The following NR3C2 variants were observed in gnomAD, a reference collection of about 807,000 sequenced individuals.
NR3C2 encodes the protein mineralocorticoid receptor.
In NR3C2, 15 loss-of-function variants were observed where a neutral mutation model predicts 86.4. The observed-to-expected ratio is 0.17, with a 90% confidence interval of 0.12 to 0.27. The LOEUF is 0.27. Ranked by LOEUF, NR3C2 falls within the 10% of genes least tolerant of loss-of-function variation. The probability of loss-of-function intolerance (pLI) is 1.00; values close to 1 mark genes in which losing one functional copy is unlikely to be tolerated. For missense variants in NR3C2, 960 were observed against 1,195.6 expected (o/e 0.80, Z 2.91); for synonymous variants, 458 against 450.5 (o/e 1.02, Z -0.21).
chr4:148,295,746 C>G (rs999395695), intron 2 of NR3C2, among the ~76,000 whole-genome samples: 5 of 151,678 alleles, frequency 3.3e-5, no homozygotes, highest in African/African-American at 1.2e-4. Flanking sequence ...GGGAATTAAT[C>G]CATGTAGACT....
At chr4:148,172,597 T>C (rs1356445344) in intron 4 of NR3C2, among the ~76,000 whole-genome samples, 1 of 152,202 alleles carries the variant, frequency 6.6e-6, no homozygotes, top group East Asian at 1.9e-4. Flanking sequence ...TTAATAACTG[T>C]AGAGCCAAAC....
intron 8 of NR3C2, among the ~76,000 whole-genome samples, chr4:148,113,302 A>C (rs1732126388): frequency 6.6e-6 from 1 of 152,186 alleles, no homozygotes; most frequent in Admixed American, 6.5e-5. Flanking sequence ...AACCACTAAT[A>C]ATGTTTTTGA....
At position 148,333,005 on chromosome 4, in the gene NR3C2, C is replaced by T. The variant is rs558163696; in HGVS notation, c.1758-72888G>A. Among the ~76,000 whole-genome samples, 19 of 152,194 alleles carry T rather than the reference C, an allele frequency of 1.2e-4. 1 individual carries two copies. In the South Asian group the frequency reaches 3.9e-3, roughly 32 times the overall value. ...TTCTGGCTGGGCACAGTGGTTCAAG[C>T]CTGTAATCCCAGGACTTTGGGAGGC... On this transcript the variant is annotated intron_variant, in intron 2 of 8. Transcript: ENST00000358102.
chr4:148,182,317 C>G (rs781384234), intron 4 of NR3C2, among the ~76,000 whole-genome samples: 34 of 151,986 alleles, frequency 2.2e-4, no homozygotes, highest in Admixed American at 1.1e-3. Context: ...CAAATTGAAA[C>G]TAAAAGCAAG....
intron 3 of NR3C2, among the ~76,000 whole-genome samples, chr4:148,202,462 C>T (rs964136967): frequency 6.6e-6 from 1 of 152,192 alleles, no homozygotes; most frequent in Non-Finnish European, 1.5e-5. Flanking sequence ...CTTGGGGAGG[C>T]CTGTCCTGAT....
At chr4:148,328,000 A>AAT (rs562029867) in intron 2 of NR3C2, among the ~76,000 whole-genome samples, 1 of 152,102 alleles carries the variant, frequency 6.6e-6, no homozygotes, top group Non-Finnish European at 1.5e-5. Flanking sequence ...TTGTTGCCTT[A>AAT]ATACTATGCC....
intron 3 of NR3C2, among the ~76,000 whole-genome samples, chr4:148,250,047 T>C (rs1037776626): frequency 1.3e-4 from 20 of 152,196 alleles, no homozygotes; most frequent in African/African-American, 3.9e-4. Context: ...TTGCCTCTGT[T>C]CCTTTGCCTC....
intron 2 of NR3C2, among the ~76,000 whole-genome samples, chr4:148,300,498 T>C (rs1742282292): frequency 6.6e-6 from 1 of 152,164 alleles, no homozygotes; most frequent in African/African-American, 2.4e-5. Flanking sequence ...AAAAGGCCTT[T>C]ATGTTTTTCT....
intron 2 of NR3C2, among the ~76,000 whole-genome samples, chr4:148,396,129 C>T (rs1346444997): frequency 6.6e-6 from 1 of 152,170 alleles, no homozygotes; most frequent in East Asian, 1.9e-4. Flanking sequence ...TTCCAAATGT[C>T]TAAAACAAAA....
intron 2 of NR3C2, among the ~76,000 whole-genome samples, chr4:148,261,296 T>TGCTATGGTGCGCTATGGTAAGC (rs1393469645): frequency 3.4e-5 from 4 of 118,364 alleles, no homozygotes; most frequent in African/African-American, 1.0e-4. Flanking sequence ...CTATGGTAAG[T>TGCTATGGTGCGCTATGGTAAGC]GCTATGGTGC....
chr4:148,426,398 A>C (rs914681966), intron 2 of NR3C2, among the ~76,000 whole-genome samples: 19 of 152,192 alleles, frequency 1.2e-4, no homozygotes, highest in African/African-American at 4.3e-4. Flanking sequence ...AAAAGGCAGG[A>C]TTCTATTCCC....
intron 4 of NR3C2, among the ~76,000 whole-genome samples, chr4:148,178,409 A>AT (rs562538615): frequency 9.9e-5 from 15 of 151,692 alleles, no homozygotes; most frequent in East Asian, 3.9e-4. Context: ...TTGAAAACTG[A>AT]TTTTTTTTCA....
rs543098991 is a variant in NR3C2 at position 148,237,074 on chromosome 4, A to G, written c.1897+22904T>C. On this transcript the variant is annotated intron_variant, in intron 3 of 8. Coordinates refer to ENST00000358102, the MANE Select transcript of NR3C2 (RefSeq NM_000901.5). Reference sequence around the variant, plus strand: ...CACAAACATTCTTATCTTTACATTTATATCTCACTGAACTATGAACTTTAA... The same window carrying G: ...CACAAACATTCTTATCTTTACATTTGTATCTCACTGAACTATGAACTTTAA... Among the ~76,000 whole-genome samples, 46 of 152,314 alleles carry G rather than the reference A, an allele frequency of 3.0e-4. No individual in the cohort carries two copies. In the South Asian group the frequency reaches 9.1e-3, roughly 30 times the overall value.
chr4:148,198,905 C>T (rs181690636), intron 3 of NR3C2, among the ~76,000 whole-genome samples: 173 of 151,208 alleles, frequency 1.1e-3, no homozygotes, highest in African/African-American at 4.1e-3. Context: ...ACGGTGACAC[C>T]CCATCTCTAC....
At chr4:148,298,800 T>A (rs891769870) in intron 2 of NR3C2, among the ~76,000 whole-genome samples, 1 of 152,252 alleles carries the variant, frequency 6.6e-6, no homozygotes, top group East Asian at 1.9e-4. Context: ...ATGTCTTGTA[T>A]AAGGCTTTCA....
chr4:148,357,002 C>T (rs1392043780), intron 2 of NR3C2, among the ~76,000 whole-genome samples: 1 of 151,454 alleles, frequency 6.6e-6, no homozygotes, highest in Non-Finnish European at 1.5e-5. Flanking sequence ...GGAACACCTG[C>T]TATTATGGGG....
At chr4:148,370,710 A>G (rs747750142) in intron 2 of NR3C2, among the ~76,000 whole-genome samples, 1 of 152,210 alleles carries the variant, frequency 6.6e-6, no homozygotes, top group Non-Finnish European at 1.5e-5. Flanking sequence ...TGACACTCCC[A>G]TAGTCTGGTT....
At chr4:148,155,616 A>C (rs1453250131) in intron 4 of NR3C2, among the ~76,000 whole-genome samples, 2 of 151,980 alleles carry the variant, frequency 1.3e-5, no homozygotes, top group East Asian at 1.9e-4. Flanking sequence ...ATAAGAGGAT[A>C]CAAACAAATG....
rs1328465208 is a variant in NR3C2, at chr4:148,222,613, AT to A, written c.1898-27752del. ...TTAACAACTGAATTGCTGGAAAATC[AT>A]TTAGGAAATTAACAAAACATAATAA... On this transcript the variant is annotated intron_variant, in intron 3 of 8. Transcript: ENST00000358102. 2.0e-5 allele frequency among the ~76,000 whole-genome samples: 3 copies of A among 152,244 alleles called. No individual in the cohort carries two copies. The East Asian group carries it at 5.8e-4, about 29-fold the overall frequency.
Sources: allele counts gnomAD v4.1 joint callset (sites outside exome capture counted in the v4.1 genomes callset), GRCh38; gene constraint gnomAD v4.1.1; transcripts MANE v1.5; gene names NCBI Gene and HGNC (gene_info 2026-07-23, HGNC 2026-07-21).